Variants in SLC2A13 observed in about 807,000 individuals in gnomAD.
The protein encoded by SLC2A13 is solute carrier family 2 member 13, also known as proton myo-inositol cotransporter.
Under a neutral mutation model 64.4 loss-of-function variants are expected in SLC2A13, and 32 were observed. The ratio of observed to expected loss-of-function variants is 0.50; its 90% CI spans 0.37 to 0.67. SLC2A13 has a LOEUF of 0.67. Ranked by LOEUF, SLC2A13 falls within the 30% of genes least tolerant of loss-of-function variation. SLC2A13 has a pLI of 0.00. For missense variants in SLC2A13, 743 were observed against 829.2 expected, an observed-to-expected ratio of 0.90 and a Z score of 1.28; for synonymous variants, 338 against 327.1, an observed-to-expected ratio of 1.03 and a Z score of -0.36.
At chr12:39,871,495 A>C (rs1944053938) in intron 5 of SLC2A13, among the ~76,000 whole-genome samples, 4 of 146,078 alleles carry the variant, frequency 2.7e-5, no homozygotes, top group Admixed American at 2.1e-4. Flanking sequence ...GAAAAAAAAA[A>C]CAATTATTTT....
chr12:39,947,418 A>G (rs1180230709), intron 4 of SLC2A13, among the ~76,000 whole-genome samples: 1 of 152,216 alleles, frequency 6.6e-6, no homozygotes, highest in Non-Finnish European at 1.5e-5. Flanking sequence ...AATATAGTTT[A>G]CTTCAAGTTC....
chr12:39,986,291 T>C (rs1203320580), intron 3 of SLC2A13, among the ~76,000 whole-genome samples: 2 of 152,110 alleles, frequency 1.3e-5, no homozygotes, highest in Non-Finnish European at 2.9e-5. Flanking sequence ...ATTTGGACCA[T>C]TGCAGAATTA....
At chr12:39,876,948 G>A (rs1254484790) in intron 4 of SLC2A13, among the ~76,000 whole-genome samples, 1 of 152,112 alleles carries the variant, frequency 6.6e-6, no homozygotes, top group African/African-American at 2.4e-5. Flanking sequence ...AGACCTTAAA[G>A]ATTTCCATTA....
intron 4 of SLC2A13, among the ~76,000 whole-genome samples, chr12:39,883,427 A>G (rs978928709): frequency 1.3e-5 from 2 of 152,206 alleles, no homozygotes; most frequent in African/African-American, 4.8e-5. Flanking sequence ...CCAAACAATG[A>G]TACAAACTAG....
At chr12:39,830,459 A>C (rs367672317) in intron 6 of SLC2A13, 28 of 1,238,454 alleles carry the variant, frequency 2.3e-5, no homozygotes, top group East Asian at 1.9e-4. Context: ...CTTTGAGCTG[A>C]AGGAGGCTTG....
intron 3 of SLC2A13, among the ~76,000 whole-genome samples, chr12:40,010,886 G>A (rs946924002): frequency 1.3e-5 from 2 of 152,192 alleles, no homozygotes; most frequent in Admixed American, 6.5e-5. Flanking sequence ...TCATCTGCCA[G>A]CTGTGAGTGT....
At chr12:39,980,583 T>C (rs1469877692) in intron 3 of SLC2A13, among the ~76,000 whole-genome samples, 1 of 151,372 alleles carries the variant, frequency 6.6e-6, no homozygotes, top group Non-Finnish European at 1.5e-5. Context: ...AAGAAGGCCA[T>C]TACATAATGG....
At chr12:39,823,687 G>A (rs1327241148) in intron 7 of SLC2A13, among the ~76,000 whole-genome samples, 6 of 152,122 alleles carry the variant, frequency 3.9e-5, no homozygotes, top group Non-Finnish European at 8.8e-5. Context: ...GGGCTCAAGT[G>A]ATCCTCCTGC....
At chr12:39,925,308 C>T (rs1439740294) in intron 4 of SLC2A13, among the ~76,000 whole-genome samples, 1 of 152,114 alleles carries the variant, frequency 6.6e-6, no homozygotes, top group African/African-American at 2.4e-5. Context: ...GTTGGGATTA[C>T]AGGTGTGAGC....
Position 39,757,095 on chromosome 12 carries a change from A to T in SLC2A13, c.*2931T>A, listed in dbSNP as rs537780511. On this transcript the variant is annotated 3_prime_UTR_variant, in exon 10 of 10. Transcript: ENST00000280871. ...AAATTATTAACGGCAAACCCTTTTGACATCACATTCAGCCCTATGTGTTTA... is the reference window on the plus strand; with the variant it reads ...AAATTATTAACGGCAAACCCTTTTGTCATCACATTCAGCCCTATGTGTTTA... 3 of 151,996 alleles carry T rather than the reference A, an allele frequency of 2.0e-5. No homozygotes were observed. The highest frequency in any genetic ancestry group is 7.2e-5 in the African/African-American group (3 of 41,536). The allele number at this position is 151,996 out of a possible 1,614,324, so 9.4% of individuals were successfully genotyped here. A position where few individuals can be genotyped will look rare whatever the true frequency, so the allele number is the denominator to read the frequency against.
chr12:39,890,234 T>A (rs1944570237), intron 4 of SLC2A13, among the ~76,000 whole-genome samples: 1 of 152,160 alleles, frequency 6.6e-6, no homozygotes, highest in Non-Finnish European at 1.5e-5. Flanking sequence ...TTTGTTTACC[T>A]TAAAGAAATA....
At chr12:39,848,594 C>T (rs1419680199) in intron 6 of SLC2A13, among the ~76,000 whole-genome samples, 1 of 152,078 alleles carries the variant, frequency 6.6e-6, no homozygotes, top group Non-Finnish European at 1.5e-5. Flanking sequence ...ACTAATTCAC[C>T]CATTGTGGAA....
chr12:40,086,024 C>T (rs1287582140), intron 1 of SLC2A13, among the ~76,000 whole-genome samples: 3 of 151,978 alleles, frequency 2.0e-5, no homozygotes, highest in Non-Finnish European at 2.9e-5. Flanking sequence ...TTTTTAGTAG[C>T]GACAGGGTTT....
In SLC2A13 at chr12:40,101,908, C is replaced by T. The variant is rs549821090; in HGVS notation, c.556+3345G>A. 4.0e-5 allele frequency among the ~76,000 whole-genome samples: 6 copies of T among 151,202 alleles called. No individual in the cohort carries two copies. In the South Asian group the frequency reaches 6.3e-4, roughly 16 times the overall value. On this transcript the variant is annotated intron_variant, in intron 1 of 9. Transcript: ENST00000280871. ...ACACCCAACAAAAGGAGACCCATTC[C>T]TCAGACTCAGGAAGATTAAATGAGG... is the stretch of plus-strand genomic sequence containing the variant.
intron 1 of SLC2A13, among the ~76,000 whole-genome samples, chr12:40,089,563 C>A (rs1429433185): frequency 6.6e-6 from 1 of 152,118 alleles, no homozygotes; most frequent in African/African-American, 2.4e-5. Context: ...GCTCTGAATA[C>A]AAGGAAGACT....
chr12:39,988,130 G>GT (rs1322263196), intron 3 of SLC2A13, among the ~76,000 whole-genome samples: 3 of 151,896 alleles, frequency 2.0e-5, no homozygotes, highest in South Asian at 4.2e-4. Flanking sequence ...TGTAGGGACA[G>GT]TTTTTTTTAA....
At chr12:39,969,022 C>T (rs948471333) in intron 3 of SLC2A13, among the ~76,000 whole-genome samples, 11 of 152,006 alleles carry the variant, frequency 7.2e-5, no homozygotes, top group African/African-American at 2.7e-4. Context: ...TTGTTCAATT[C>T]CCATCTATGA....
intron 1 of SLC2A13, among the ~76,000 whole-genome samples, chr12:40,050,226 T>C (rs1948233210): frequency 6.6e-6 from 1 of 152,206 alleles, no homozygotes; most frequent in African/African-American, 2.4e-5. Flanking sequence ...CTTTTTCTGC[T>C]ATGGTCTGAC....
intron 4 of SLC2A13, among the ~76,000 whole-genome samples, chr12:39,941,341 T>C (rs994803307): frequency 6.6e-6 from 1 of 152,178 alleles, no homozygotes; most frequent in Non-Finnish European, 1.5e-5. Context: ...CTTTAAGGAA[T>C]CTCCACGCTG....
Sources: allele counts gnomAD v4.1 joint callset (sites outside exome capture counted in the v4.1 genomes callset), GRCh38; gene constraint gnomAD v4.1.1; transcripts MANE v1.5; gene names NCBI Gene and HGNC (gene_info 2026-07-23, HGNC 2026-07-21).